Variants in SEZ6L2 observed in about 807,000 individuals in gnomAD.
The protein encoded by SEZ6L2 is seizure 6-like protein 2.
In SEZ6L2, 44 loss-of-function variants were observed where a neutral mutation model predicts 97.0. The observed-to-expected ratio is 0.45, with a 90% confidence interval of 0.36 to 0.58. SEZ6L2 has a LOEUF of 0.58. Ranked by LOEUF, SEZ6L2 falls within the 20% of genes least tolerant of loss-of-function variation. The probability of loss-of-function intolerance (pLI) is 0.00; values close to 1 mark genes in which losing one functional copy is unlikely to be tolerated. For synonymous variants in SEZ6L2, 543 were observed against 546.1 expected (o/e 0.99, Z 0.08); for missense variants, 1,086 against 1,233.3 (o/e 0.88, Z 1.79).
intron 5 of SEZ6L2, among the ~76,000 whole-genome samples, chr16:29,891,153 G>T (rs2068263788): frequency 6.6e-6 from 1 of 152,010 alleles, no homozygotes; most frequent in African/African-American, 2.4e-5. Flanking sequence ...TGTTGGTCAG[G>T]CTGGTCTCGA....
intron 9 of SEZ6L2, among the ~76,000 whole-genome samples, chr16:29,879,310 C>T (rs1396870082): frequency 6.6e-6 from 1 of 152,022 alleles, no homozygotes; most frequent in East Asian, 1.9e-4. Flanking sequence ...ACCGCAACCT[C>T]CGCCTCCCGG....
chr16:29,886,946 C>T lies in SEZ6L2; in HGVS notation c.1208+703G>A, dbSNP rs571056501. Among the ~76,000 whole-genome samples, 11 of 152,110 alleles carry T rather than the reference C, an allele frequency of 7.2e-5. No homozygotes were observed. The East Asian group carries it at 1.9e-3, about 27-fold the overall frequency. ...CCTATAATTCCAGCACTTTGGGAGGCCAAGGTGGGCAGATCACCTGAGGTT... is the reference window on the plus strand; with the variant it reads ...CCTATAATTCCAGCACTTTGGGAGGTCAAGGTGGGCAGATCACCTGAGGTT... On this transcript the variant is annotated intron_variant, in intron 7 of 17. Coordinates refer to ENST00000617533, the MANE Select transcript of SEZ6L2 (RefSeq NM_001243332.2).
rs1323720366 is a variant in SEZ6L2, at chr16:29,874,596, G to T, written c.2105-867C>A. Among the ~76,000 whole-genome samples, 20 of 54,096 alleles carry T rather than the reference G, an allele frequency of 3.7e-4. 1 individual carries two copies. The highest frequency in any genetic ancestry group is 1.5e-3 in the Admixed American group (6 of 4,070). The allele number at this position is 54,096 out of a possible 152,430, so 35.5% of individuals were successfully genotyped here. A position where few individuals can be genotyped will look rare whatever the true frequency, so the allele number is the denominator to read the frequency against. ...TTTTTTTTTTTTTTTTTTGAGATGG[G>T]AGTCTCGCTCTGTCGCCCAGGCTGG... On this transcript the variant is annotated intron_variant, in intron 12 of 17. Transcript: ENST00000617533.
At chr16:29,879,220 T>TTTTCTTTCTTTC (rs889104452) in intron 9 of SEZ6L2, among the ~76,000 whole-genome samples, 1 of 146,724 alleles carries the variant, frequency 6.8e-6, no homozygotes, top group Admixed American at 6.8e-5. Context: ...CCTGTTTCTT[T>TTTTCTTTCTTTC]TTTCTTTCTT....
Position 29,897,068 on chromosome 16 carries a change from C to G in SEZ6L2, c.265G>C (p.Val89Leu), listed in dbSNP as rs2068416190. 6.3e-7 allele frequency: 1 copy of G among 1,580,748 alleles called. No individual in the cohort carries two copies. The highest frequency in any genetic ancestry group is 1.3e-5 in the African/African-American group (1 of 74,750). The change falls in exon 3 of 18, where the codon GTG (valine) becomes CTG (leucine). Residue 89 changes from valine (V) to leucine (L), a missense_variant. By Grantham distance (32) the Val-to-Leu change is conservative. Transcript: ENST00000617533. ...ATPPAGQTLA[V>L]PSLPRATEPG... is the part of the protein sequence containing the mutation. ...TCAGTGGCCCGTGGCAGGGAGGGCA[C>G]TGCGAGAGTCTGGCCGGCCGGAGGG...
At chr16:29,885,443 T>A (rs2068116602) in intron 8 of SEZ6L2, 143 bp downstream of exon 8, 2 of 850,646 alleles carry the variant, frequency 2.4e-6, no homozygotes, top group Non-Finnish European at 3.7e-6. Context: ...TCCTTGCAGT[T>A]TTGGGGCAGG....
rs749988751 is a variant in SEZ6L2 at position 29,872,490 on chromosome 16, C to G, written c.2564G>C (p.Gly855Ala). ...QTTDPSRQLE[G>A]GNLALAILLP... ...CAGGATGGCCAGGGCCAGGTTCCCC[C>G]CTTCCAGCTGCCGTGATGGATCTGT... The change falls in exon 16 of 18, where the codon GGG becomes GCG. Residue 855 changes from glycine to alanine, a missense_variant. This residue lies in a region of SEZ6L2 where 310 missense variants were observed against 438.6 expected (regional missense o/e 0.71). Transcript: ENST00000617533. 1.7e-5 allele frequency: 28 copies of G among 1,614,116 alleles called. No homozygotes were observed. The East Asian group carries it at 3.3e-4, about 19-fold the overall frequency.
rs1212097924 is a variant in SEZ6L2 at position 29,887,798 on chromosome 16, G to C, written c.1059C>G (p.Ile353Met). Reference sequence around the variant, plus strand: ...CGATGCGGCCCAGGGTGGCATTGTGGATGGTGCCACCACAGGATGCTGTGG... The same window carrying C: ...CGATGCGGCCCAGGGTGGCATTGTGCATGGTGCCACCACAGGATGCTGTGG... ...PSCMASCGGT[I>M]HNATLGRIVS... is the part of the protein sequence containing the mutation. The change falls in exon 7 of 18, where the codon ATC (isoleucine) becomes ATG (methionine). Residue 353 changes from isoleucine to methionine, a missense_variant. By Grantham distance (10) the Ile-to-Met change is conservative (BLOSUM62 1). Around this residue, in one of 2 missense-constraint regions of SEZ6L2, gnomAD observed 776 missense variants for 794.7 expected, o/e 0.98. Coordinates refer to ENST00000617533, the MANE Select transcript of SEZ6L2 (RefSeq NM_001243332.2). 5 of 1,613,694 alleles carry C rather than the reference G, an allele frequency of 3.1e-6. No individual in the cohort carries two copies. In the African/African-American group the frequency reaches 6.7e-5, roughly 22 times the overall value.
intron 6 of SEZ6L2, among the ~76,000 whole-genome samples, chr16:29,888,123 C>G (rs531496516): frequency 3.9e-5 from 6 of 152,100 alleles, no homozygotes; most frequent in Non-Finnish European, 8.8e-5. Context: ...CCCTAAAATT[C>G]AAAGCCTCAG....
intron 11 of SEZ6L2, 150 bp from the exon 12 acceptor site, chr16:29,877,100 A>G: frequency 1.9e-6 from 2 of 1,072,004 alleles, no homozygotes; most frequent in South Asian, 1.6e-5. Context: ...GCTGGAGTAC[A>G]GTGGTACAAG....
intron 5 of SEZ6L2, 47 bp downstream of exon 5, chr16:29,895,212 A>C: frequency 9.1e-7 from 1 of 1,095,804 alleles, no homozygotes; most frequent in South Asian, 1.3e-5. Flanking sequence ...TGTCCAGTGT[A>C]TGCAGTATGG....
chr16:29,874,550 GTTTTTTT>G (rs541095994), intron 12 of SEZ6L2, among the ~76,000 whole-genome samples: 1,273 of 32,576 alleles, frequency 0.039, 207 homozygotes, highest in African/African-American at 0.097. Context: ...GTGTGTGCTT[GTTTTTTT>G]TTTTTTTTTT....
At chr16:29,896,113 T>C (rs548508586) in intron 3 of SEZ6L2, among the ~76,000 whole-genome samples, 2 of 151,986 alleles carry the variant, frequency 1.3e-5, no homozygotes, top group South Asian at 4.2e-4. Context: ...CAGGTGCACA[T>C]CACCATGGTG....
Position 29,877,251 on chromosome 16 carries a change from G to A in SEZ6L2, c.1909+20C>T, listed in dbSNP as rs761868158. 1 of 1,532,786 alleles carries A rather than the reference G, an allele frequency of 6.5e-7. No homozygotes were observed. Among genetic ancestry groups the A allele is most frequent in the African/African-American group, 1.4e-5 (1 of 72,598 alleles). The allele number at this position is 1,532,786 out of a possible 1,614,324, so 94.9% of individuals were successfully genotyped here. A position where few individuals can be genotyped will look rare whatever the true frequency, so the allele number is the denominator to read the frequency against. On this transcript the variant is annotated intron_variant, in intron 11 of 17. Transcript: ENST00000617533. ...GGCCTGCCCGACCCCTGCCCATCCC[G>A]GGACTCTATCCCTCAGTACCTTTGA... is the stretch of plus-strand genomic sequence containing the variant.
intron 5 of SEZ6L2, among the ~76,000 whole-genome samples, chr16:29,893,418 G>A (rs939421957): frequency 2.7e-5 from 4 of 149,820 alleles, no homozygotes; most frequent in Non-Finnish European, 4.5e-5. Flanking sequence ...AGGCCAAGGC[G>A]GGTGGATCAC....
Position 29,876,526 on chromosome 16 carries a change from G to C in SEZ6L2, c.2104+230C>G, listed in dbSNP as rs549013906. Among the ~76,000 whole-genome samples, 1 of 151,798 alleles carries C rather than the reference G, an allele frequency of 6.6e-6. No individual in the cohort carries two copies. Among genetic ancestry groups the C allele is most frequent in the African/African-American group, 2.4e-5 (1 of 41,384 alleles). On this transcript the variant is annotated intron_variant, in intron 12 of 17. Transcript: ENST00000617533. This position sits in a 1 kb window ranked among gnomAD's most constrained non-coding sequence, Gnocchi z 6.5. ...CGAGCCCAGGTCGGTGCAAGAAAGA[G>C]GGATGCAGCCCGGAGAAGATGAGAG...
At chr16:29,886,694 A>AG (rs1417008428) in intron 7 of SEZ6L2, among the ~76,000 whole-genome samples, 1 of 151,404 alleles carries the variant, frequency 6.6e-6, no homozygotes, top group African/African-American at 2.4e-5. Flanking sequence ...AAAAAAAAAA[A>AG]AAGAGGATAG....
chr16:29,880,309 T>C (rs1365002238), intron 8 of SEZ6L2, among the ~76,000 whole-genome samples: 2 of 151,128 alleles, frequency 1.3e-5, no homozygotes, highest in Non-Finnish European at 2.9e-5. Flanking sequence ...ATTGCAGGCG[T>C]GCACCACCAT....
chr16:29,883,406 G>A (rs555790196), intron 8 of SEZ6L2, among the ~76,000 whole-genome samples: 1 of 152,066 alleles, frequency 6.6e-6, no homozygotes, highest in African/African-American at 2.4e-5. Context: ...GTTCAAGTGG[G>A]GTTCAAGTGA....
Sources: gnomAD v4.1 joint callset for allele counts (sites outside exome capture counted in the v4.1 genomes callset) on GRCh38, gnomAD v4.1.1 for gene constraint, gnomAD v4.1.1 regional missense constraint, Gnocchi (gnomAD v3.1) non-coding constraint, MANE v1.5 for transcripts, NCBI Gene and HGNC (gene_info 2026-07-23, HGNC 2026-07-21) for gene names.